Variants in TMEM35A observed in about 807,000 individuals in gnomAD.
TMEM35A encodes the protein transmembrane protein 35A.
For synonymous variants in TMEM35A, 50 were observed against 54.7 expected (o/e 0.91, Z 0.38); for missense variants, 83 against 132.7 (o/e 0.63, Z 1.84).
chrX:101,095,258 T>C lies in TMEM35A; in HGVS notation c.*302T>C, dbSNP rs369893124. On this transcript the variant is annotated 3_prime_UTR_variant, in exon 2 of 2. Coordinates refer to ENST00000372930, the MANE Select transcript of TMEM35A (RefSeq NM_021637.3). ...CTCCAACAAGCATGTGACTGTGAGA[T>C]TGTGTGTGGGAAAATGTATTTAACT... 12 of 250,332 alleles carry C rather than the reference T, an allele frequency of 4.8e-5. No individual in the cohort carries two copies. The highest frequency in any genetic ancestry group is 2.9e-4 in the African/African-American group (10 of 34,488). The allele number at this position is 250,332 out of a possible 1,213,427, so 20.6% of individuals were successfully genotyped here.
At chrX:101,092,848 G>A (rs2089327989) in intron 1 of TMEM35A, among the ~76,000 whole-genome samples, 1 of 111,036 alleles carries the variant, frequency 9.0e-6, no homozygotes, top group South Asian at 3.8e-4. Context: ...GCGACAGAGT[G>A]AGACTCCGTC....
At chrX:101,084,469 T>A (rs2089301129) in intron 1 of TMEM35A, among the ~76,000 whole-genome samples, 1 of 110,600 alleles carries the variant, frequency 9.0e-6, no homozygotes, top group South Asian at 3.7e-4. Context: ...TCCTTGTAAA[T>A]CTTATTGAAG....
At chrX:101,083,642 T>C (rs889594075) in intron 1 of TMEM35A, among the ~76,000 whole-genome samples, 2 of 111,960 alleles carry the variant, frequency 1.8e-5, no homozygotes, top group African/African-American at 6.5e-5. Context: ...GGTAATAAGA[T>C]AGTAATTTAC....
intron 1 of TMEM35A, among the ~76,000 whole-genome samples, chrX:101,085,915 G>A (rs1358561570): frequency 1.8e-5 from 2 of 109,917 alleles, no homozygotes; most frequent in South Asian, 4.0e-4. Flanking sequence ...CCAGCCTGGC[G>A]ACAGAGCGAG....
At chrX:101,082,133 C>CTTTTTTTTTTTTTTTTTTTTTTTTTT in intron 1 of TMEM35A, among the ~76,000 whole-genome samples, 4 of 20,480 alleles carry the variant, frequency 2.0e-4, no homozygotes, top group Admixed American at 6.7e-4. Context: ...TTCTTTCTTT[C>CTTTTTTTTTTTTTTTTTTTTTTTTTT]TTTTTTTTTT....
At chrX:101,083,639 A>T (rs2089298610) in intron 1 of TMEM35A, among the ~76,000 whole-genome samples, 1 of 111,957 alleles carries the variant, frequency 8.9e-6, no homozygotes, top group African/African-American at 3.2e-5. Flanking sequence ...CTAGGTAATA[A>T]GATAGTAATT....
At chrX:101,083,020 T>C (rs913643585) in intron 1 of TMEM35A, among the ~76,000 whole-genome samples, 3 of 111,660 alleles carry the variant, frequency 2.7e-5, no homozygotes, top group Non-Finnish European at 5.6e-5. Context: ...AATCAATTAA[T>C]ATTGAAAAAT....
chrX:101,081,509 T>C (rs2089291928), intron 1 of TMEM35A: 1 of 112,146 alleles, frequency 8.9e-6, no homozygotes, highest in Non-Finnish European at 1.9e-5. Context: ...ATTTCTCTGT[T>C]TGGCTCTTGA....
intron 1 of TMEM35A, among the ~76,000 whole-genome samples, chrX:101,086,289 T>A (rs1265662100): frequency 3.6e-5 from 4 of 111,434 alleles, no homozygotes; most frequent in Non-Finnish European, 7.5e-5. Flanking sequence ...CTTGGCTAAT[T>A]TTTGTATTTT....
At chrX:101,084,027 A>T (rs1454119969) in intron 1 of TMEM35A, among the ~76,000 whole-genome samples, 1 of 109,158 alleles carries the variant, frequency 9.2e-6, no homozygotes, top group Non-Finnish European at 1.9e-5. Context: ...CATCTCTACT[A>T]AAAATACAAA....
At chrX:101,083,228 A>G (rs2089297732) in intron 1 of TMEM35A, among the ~76,000 whole-genome samples, 1 of 112,045 alleles carries the variant, frequency 8.9e-6, no homozygotes, top group Non-Finnish European at 1.9e-5. Flanking sequence ...TTCACTTGAA[A>G]ATGGGAGACA....
At chrX:101,089,518 T>C (rs949733350) in intron 1 of TMEM35A, among the ~76,000 whole-genome samples, 11 of 105,151 alleles carry the variant, frequency 1.0e-4, no homozygotes, top group Non-Finnish European at 1.7e-4. Context: ...GACACCCAAC[T>C]AGAAAGCGGC....
Position 101,095,260 on chromosome X carries a change from G to T in TMEM35A, c.*304G>T, listed in dbSNP as rs2089335908. Reference sequence around the variant, plus strand: ...CCAACAAGCATGTGACTGTGAGATTGTGTGTGGGAAAATGTATTTAACTAC... The same window carrying T: ...CCAACAAGCATGTGACTGTGAGATTTTGTGTGGGAAAATGTATTTAACTAC... On this transcript the variant is annotated 3_prime_UTR_variant, in exon 2 of 2. Transcript: ENST00000372930. 3.9e-6 allele frequency: 1 copy of T among 255,121 alleles called. No individual in the cohort carries two copies. Among genetic ancestry groups the T allele is most frequent in the Non-Finnish European group, 6.8e-6 (1 of 145,999 alleles). 21.0% of individuals were successfully genotyped at this position (255,121 alleles called of 1,213,427 possible). A position where few individuals can be genotyped will look rare whatever the true frequency, so the allele number is the denominator to read the frequency against.
At chrX:101,079,213 C>G (rs1181196022) in intron 1 of TMEM35A, 91 bp downstream of exon 1, 2 of 1,054,239 alleles carry the variant, frequency 1.9e-6, no homozygotes, top group East Asian at 6.6e-5. Context: ...TGGTCCCACC[C>G]CCTTAGCCCC....
chrX:101,084,401 A>AT (rs1357673332), intron 1 of TMEM35A, among the ~76,000 whole-genome samples: 5 of 107,535 alleles, frequency 4.6e-5, no homozygotes, highest in Non-Finnish European at 7.7e-5. Context: ...CCAGGCTGAG[A>AT]TTTTTTGCCA....
intron 1 of TMEM35A, among the ~76,000 whole-genome samples, chrX:101,090,169 C>CTTTCTTTTTTTTTTTTTTTT (rs1556381270): frequency 1.4e-4 from 14 of 97,501 alleles, no homozygotes; most frequent in African/African-American, 6.2e-4. Flanking sequence ...TTCTTTCTTT[C>CTTTCTTTTTTTTTTTTTTTT]TTTTTTTTTT....
chrX:101,083,018 A>G (rs2089297171), intron 1 of TMEM35A, among the ~76,000 whole-genome samples: 1 of 111,702 alleles, frequency 9.0e-6, no homozygotes, highest in Admixed American at 9.6e-5. Flanking sequence ...GCAATCAATT[A>G]ATATTGAAAA....
At chrX:101,082,667 G>A (rs1489621898) in intron 1 of TMEM35A, among the ~76,000 whole-genome samples, 1 of 109,937 alleles carries the variant, frequency 9.1e-6, no homozygotes, top group African/African-American at 3.3e-5. Flanking sequence ...TTTATGAGAC[G>A]GAGTTTTGCT....
At chrX:101,090,165 C>CTTTTTTTTTTTT (rs1569495904) in intron 1 of TMEM35A, among the ~76,000 whole-genome samples, 16 of 98,164 alleles carry the variant, frequency 1.6e-4, no homozygotes, top group South Asian at 7.9e-4. Flanking sequence ...CCATTTCTTT[C>CTTTTTTTTTTTT]TTTCTTTTTT....
Sources: allele counts gnomAD v4.1 joint callset (sites outside exome capture counted in the v4.1 genomes callset), GRCh38; gene constraint gnomAD v4.1.1; transcripts MANE v1.5; gene names NCBI Gene and HGNC (gene_info 2026-07-23, HGNC 2026-07-21).